Variants in MMP26 observed in about 807,000 individuals in gnomAD.
The protein encoded by MMP26 is matrix metalloproteinase-26.
In MMP26, 33 loss-of-function variants were observed where a neutral mutation model predicts 31.0. The observed-to-expected ratio is 1.06, with a 90% CI of 0.81 to 1.42. MMP26 has a LOEUF of 1.42. MMP26 is among the 40% of genes most tolerant of loss of function. The pLI is 0.00. For missense variants in MMP26, 347 were observed against 316.1 expected (o/e 1.10, Z -0.74); for synonymous variants, 122 against 114.9 (o/e 1.06, Z -0.40).
chr11:4,754,927 CA>C (rs1237918494), intron 1 of MMP26, among the ~76,000 whole-genome samples: 7 of 151,972 alleles, frequency 4.6e-5, no homozygotes, highest in African/African-American at 1.7e-4. Context: ...CACAGAACCA[CA>C]ACCTGTATAT....
Position 4,843,694 on chromosome 11 carries a change from G to T in MMP26, c.-145+76353G>T, listed in dbSNP as rs536394360. On this transcript the variant is annotated intron_variant, in intron 2 of 7. Coordinates refer to ENST00000380390, the MANE Select transcript of MMP26 (RefSeq NM_021801.5). ...ACCTGGGAGACATTTTCCCCATTGT[G>T]GTGGCTATTAACGTTTGGCTCCTCT... 3.9e-5 allele frequency among the ~76,000 whole-genome samples: 6 copies of T among 152,324 alleles called. No homozygotes were observed. In the East Asian group the frequency reaches 1.2e-3, roughly 29 times the overall value.
intron 2 of MMP26, among the ~76,000 whole-genome samples, chr11:4,779,203 T>G (rs2133429824): frequency 6.6e-6 from 1 of 152,198 alleles, no homozygotes; most frequent in South Asian, 2.1e-4. Context: ...AGGGAATACT[T>G]AAACATTTCA....
intron 2 of MMP26, among the ~76,000 whole-genome samples, chr11:4,899,855 G>T (rs984391311): frequency 6.6e-6 from 1 of 152,006 alleles, no homozygotes; most frequent in Non-Finnish European, 1.5e-5. Flanking sequence ...CTGAAAATGA[G>T]GACCTTTAGC....
intron 2 of MMP26, among the ~76,000 whole-genome samples, chr11:4,797,221 A>G (rs1490445250): frequency 6.6e-6 from 1 of 152,202 alleles, no homozygotes; most frequent in Non-Finnish European, 1.5e-5. Flanking sequence ...TTAGTAAGAC[A>G]GAAGACACAT....
intron 2 of MMP26, among the ~76,000 whole-genome samples, chr11:4,809,641 T>G (rs542034962): frequency 2.6e-5 from 4 of 152,318 alleles, no homozygotes; most frequent in African/African-American, 9.6e-5. Context: ...GCTGGAGCAG[T>G]GTGGGGTTCA....
In MMP26 at chr11:4,907,501, C is replaced by A. The variant is rs78548289; in HGVS notation, c.-144-80567C>A. ...TGCTTGCCATCATGGGCAACTGCAC[C>A]ATTCTCTTTATTATAAAGACAGAGC... On this transcript the variant is annotated intron_variant, in intron 2 of 7. Coordinates refer to ENST00000380390, the MANE Select transcript of MMP26 (RefSeq NM_021801.5). 1.5e-3 allele frequency: 2,477 copies of A among 1,613,978 alleles called. 37 individuals are homozygous for A. In the African/African-American group the frequency reaches 0.03, roughly 20 times the overall value.
intron 2 of MMP26, among the ~76,000 whole-genome samples, chr11:4,818,887 C>A (rs1276747485): frequency 6.6e-6 from 1 of 151,886 alleles, no homozygotes; most frequent in African/African-American, 2.4e-5. Flanking sequence ...ATTCAATAGT[C>A]CAGGTTAGAG....
chr11:4,749,893 T>A (rs1314251545), intron 1 of MMP26, among the ~76,000 whole-genome samples: 2 of 152,050 alleles, frequency 1.3e-5, no homozygotes, highest in African/African-American at 4.8e-5. Context: ...GACTAAGACC[T>A]CAAAAGCAAA....
At chr11:4,895,241 CA>C (rs1259537912) in intron 2 of MMP26, among the ~76,000 whole-genome samples, 3 of 150,344 alleles carry the variant, frequency 2.0e-5, no homozygotes, top group African/African-American at 7.3e-5. Context: ...TACATCATTA[CA>C]ATTCTTTATA....
At chr11:4,945,974 G>C in intron 2 of MMP26, 1 of 620,344 alleles carries the variant, frequency 1.6e-6, no homozygotes, top group Non-Finnish European at 2.9e-6. Flanking sequence ...CTGAAATGGG[G>C]ACATAAGGCA....
At chr11:4,793,397 T>C (rs942647210) in intron 2 of MMP26, among the ~76,000 whole-genome samples, 16 of 152,152 alleles carry the variant, frequency 1.1e-4, no homozygotes, top group African/African-American at 3.4e-4. Flanking sequence ...GACTTATAAA[T>C]AAATTAATAA....
At chr11:4,790,680 G>A (rs1399832607) in intron 2 of MMP26, among the ~76,000 whole-genome samples, 2 of 152,124 alleles carry the variant, frequency 1.3e-5, no homozygotes, top group Admixed American at 6.5e-5. Flanking sequence ...CAATCTGATG[G>A]TCTCGTCTTC....
rs189534128 is a variant in MMP26, at chr11:4,801,643, A to C, written c.-145+34302A>C. On this transcript the variant is annotated intron_variant, in intron 2 of 7. Transcript: ENST00000380390. ...CCGCAACCTCCGCTTCCCCAGTTCA[A>C]GCGATTCTCCTGCCTCAGCCTCCTA... Among the ~76,000 whole-genome samples, 167 of 151,990 alleles carry C rather than the reference A, an allele frequency of 1.1e-3. 1 individual carries two copies. The highest frequency in any genetic ancestry group is 3.4e-3 in the Middle Eastern group (1 of 294).
intron 2 of MMP26, among the ~76,000 whole-genome samples, chr11:4,916,763 G>C (rs1431715363): frequency 6.6e-6 from 1 of 152,162 alleles, no homozygotes; most frequent in African/African-American, 2.4e-5. Flanking sequence ...TCAAAGCCCT[G>C]ATCCTCCTGT....
At chr11:4,965,812 C>T (rs1846585312) in intron 2 of MMP26, among the ~76,000 whole-genome samples, 1 of 152,154 alleles carries the variant, frequency 6.6e-6, no homozygotes, top group Non-Finnish European at 1.5e-5. Flanking sequence ...GTTCCATGGA[C>T]TTTCTTCTAC....
At chr11:4,842,367 A>G (rs1849807897) in intron 2 of MMP26, among the ~76,000 whole-genome samples, 1 of 152,328 alleles carries the variant, frequency 6.6e-6, no homozygotes, top group African/African-American at 2.4e-5. Context: ...TGGGTAGTTT[A>G]TAAATTAAAG....
chr11:4,854,227 G>A (rs1276901831), intron 2 of MMP26, among the ~76,000 whole-genome samples: 4 of 152,152 alleles, frequency 2.6e-5, no homozygotes, highest in East Asian at 1.9e-4. Flanking sequence ...TGGACAGTGG[G>A]TGCAGGCCAC....
At chr11:4,959,541 C>T (rs770289946) in intron 2 of MMP26, among the ~76,000 whole-genome samples, 4 of 152,174 alleles carry the variant, frequency 2.6e-5, no homozygotes, top group African/African-American at 4.8e-5. Context: ...ACTCCCCCTA[C>T]TTAAGTCCTC....
chr11:4,938,558 T>A (rs185012771), intron 2 of MMP26, among the ~76,000 whole-genome samples: 1 of 152,194 alleles, frequency 6.6e-6, no homozygotes, highest in East Asian at 1.9e-4. Context: ...TGTTAAATTA[T>A]CAAACAACTT....
Sources: allele counts gnomAD v4.1 joint callset (sites outside exome capture counted in the v4.1 genomes callset), GRCh38; gene constraint gnomAD v4.1.1; transcripts MANE v1.5; gene names NCBI Gene and HGNC (gene_info 2026-07-23, HGNC 2026-07-21).